DNAH11: variants seen among roughly 807,000 people sequenced by gnomAD.
DNAH11 encodes the protein dynein axonemal heavy chain 11, also known as axonemal beta dynein heavy chain 11.
In DNAH11, 442 loss-of-function variants were observed where a neutral mutation model predicts 526.0. The observed-to-expected ratio is 0.84, with a 90% CI of 0.78 to 0.91. The LOEUF is 0.91. Among genes scored for constraint, DNAH11 ranks in the 40% least tolerant of loss-of-function variants. The pLI is 0.00. For missense variants in DNAH11, 6,989 were observed against 5,448.7 expected (o/e 1.28, Z -8.90); for synonymous variants, 2,461 against 1,935.9 (o/e 1.27, Z -7.12).
intron 45 of DNAH11, among the ~76,000 whole-genome samples, chr7:21,734,321 AGT>A (rs1397072141): frequency 1.3e-5 from 2 of 152,242 alleles, no homozygotes; most frequent in African/African-American, 4.8e-5. Flanking sequence ...TTTCCAAGTA[AGT>A]GTGAATTATT....
rs764940440 is a variant in DNAH11 at position 21,717,895 on chromosome 7, C to T, written c.7104C>T (p.Ile2368=). The part of the protein sequence containing the change: ...LDKLRTSFKT[I]TSIPESSLVQ... The stretch of plus-strand genomic sequence containing the variant: ...AACTGAGAACAAGCTTTAAAACCAT[C>T]ACTTCAATTCCTGAGAGTAGCCTGG... Residue 2368 remains isoleucine (I), a synonymous_variant, in exon 43 of 82, where the codon ATC becomes ATT. Coordinates refer to ENST00000409508, the MANE Select transcript of DNAH11 (RefSeq NM_001277115.2). The T allele has an allele frequency of 1.9e-6, 3 of 1,613,638 alleles. No homozygotes were observed. The highest frequency in any genetic ancestry group is 2.5e-6 in the Non-Finnish European group (3 of 1,179,670).
At chr7:21,777,302 G>C (rs1161300609) in intron 56 of DNAH11, among the ~76,000 whole-genome samples, 2 of 152,098 alleles carry the variant, frequency 1.3e-5, no homozygotes, top group Non-Finnish European at 2.9e-5. Context: ...CAGAATGAAG[G>C]TAGCACAATT....
chr7:21,896,775 T>A lies in DNAH11; in HGVS notation c.13049+1776T>A, dbSNP rs1376928091. The stretch of plus-strand genomic sequence containing the variant: ...AATCTGTTTCTTAATTATTTAGATG[T>A]CATTGTCCAGGTTGGGCGCAGTGGC... On this transcript the variant is annotated intron_variant, in intron 79 of 81. Transcript: ENST00000409508. Among the ~76,000 whole-genome samples, 6 of 152,292 alleles carry A rather than the reference T, an allele frequency of 3.9e-5. No homozygotes were observed. In the East Asian group the frequency reaches 1.2e-3, roughly 29 times the overall value.
chr7:21,706,002 C>A (rs946492135), intron 39 of DNAH11, among the ~76,000 whole-genome samples: 2 of 152,124 alleles, frequency 1.3e-5, no homozygotes, highest in African/African-American at 4.8e-5. Context: ...ATCCTTGATT[C>A]TCCTCCCCAT....
intron 2 of DNAH11, among the ~76,000 whole-genome samples, chr7:21,548,890 T>C (rs933446147): frequency 1.3e-5 from 2 of 152,082 alleles, no homozygotes; most frequent in African/African-American, 4.8e-5. Context: ...CAGACTTTTT[T>C]TTTTTTTTGA....
chr7:21,618,930 T>C (rs1484852890), intron 23 of DNAH11, among the ~76,000 whole-genome samples, 170 bp from the exon 24 acceptor site: 1 of 152,108 alleles, frequency 6.6e-6, no homozygotes, highest in Non-Finnish European at 1.5e-5. Flanking sequence ...GCCTCAGGAA[T>C]TGTGAGTTAA....
At chr7:21,816,403 TTTC>T in intron 63 of DNAH11, 61 bp from the exon 64 acceptor site, 1 of 1,329,998 alleles carries the variant, frequency 7.5e-7, no homozygotes, top group Non-Finnish European at 1.1e-6. Flanking sequence ...GTTCTCTTCT[TTTC>T]TTGTCTGTCT....
At chr7:21,804,275 AT>A (rs1312927059) in intron 62 of DNAH11, among the ~76,000 whole-genome samples, 1 of 151,762 alleles carries the variant, frequency 6.6e-6, no homozygotes, top group Non-Finnish European at 1.5e-5. Context: ...CATCCGGCTA[AT>A]TTTTTTGTAT....
intron 18 of DNAH11, among the ~76,000 whole-genome samples, chr7:21,602,992 C>T (rs1275096283): frequency 1.3e-5 from 2 of 152,096 alleles, no homozygotes; most frequent in Non-Finnish European, 2.9e-5. Flanking sequence ...ATTTTCATCA[C>T]TCCCAGAAAT....
At chr7:21,761,482 A>G (rs1786907599) in intron 54 of DNAH11, among the ~76,000 whole-genome samples, 1 of 152,220 alleles carries the variant, frequency 6.6e-6, no homozygotes, top group Non-Finnish European at 1.5e-5. Context: ...AAAACATTAG[A>G]AAAGTCTATG....
At chr7:21,873,682 G>C (rs1033435263) in intron 74 of DNAH11, among the ~76,000 whole-genome samples, 181 bp downstream of exon 74, 1 of 150,314 alleles carries the variant, frequency 6.7e-6, no homozygotes, top group Non-Finnish European at 1.5e-5. Context: ...TGTCATTTCC[G>C]ATTCTAATGA....
chr7:21,667,782 A>AT lies in DNAH11; in HGVS notation c.5328+8759dup, dbSNP rs200175476. On this transcript the variant is annotated intron_variant, in intron 30 of 81. Coordinates refer to ENST00000409508, the MANE Select transcript of DNAH11 (RefSeq NM_001277115.2). ...TTTAAAATGACTGTGTACGTATGTG[A>AT]TTTTTTTTGCTAATAATTAAGTCAA... 5.6e-3 allele frequency among the ~76,000 whole-genome samples: 847 copies of AT among 152,094 alleles called. 15 individuals carry two copies. Among genetic ancestry groups the AT allele is most frequent in the Admixed American group, 0.034 (519 of 15,258 alleles).
chr7:21,741,968 T>A lies in DNAH11; in HGVS notation c.7956T>A (p.Asp2652Glu). 2 of 1,613,954 alleles carry A rather than the reference T, an allele frequency of 1.2e-6. No homozygotes were observed. The highest frequency in any genetic ancestry group is 2.2e-5 in the East Asian group (1 of 44,884). ...TVFAFNFPSL[D>E]ALNTIYGQIF... ...TTGCATTCAATTTTCCATCTTTGGATGCACTAAACACCATCTATGGCCAAA... is the reference window on the plus strand; with the variant it reads ...TTGCATTCAATTTTCCATCTTTGGAAGCACTAAACACCATCTATGGCCAAA... Residue 2652 changes from aspartate (D) to glutamate (E), a missense_variant, in exon 49 of 82, where the codon GAT becomes GAA. Coordinates refer to ENST00000409508, the MANE Select transcript of DNAH11 (RefSeq NM_001277115.2).
Position 21,763,350 on chromosome 7 carries a change from A to AG in DNAH11, c.8941-2078_8941-2077insG, listed in dbSNP as rs1562531773. Among the ~76,000 whole-genome samples the AG allele has an allele frequency of 1.6e-4, 11 of 69,104 alleles. 1 individual carries two copies. Among genetic ancestry groups the AG allele is most frequent in the East Asian group, 4.2e-4 (1 of 2,382 alleles). The allele number at this position is 69,104 out of a possible 152,430, so 45.3% of individuals were successfully genotyped here. A position where few individuals can be genotyped will look rare whatever the true frequency, so the allele number is the denominator to read the frequency against. The stretch of plus-strand genomic sequence containing the variant: ...GAGCAAGACTGTCTCAAAAAAAAAA[A>AG]AAAAAAGAAAAAAAAAAAGACTTAC... On this transcript the variant is annotated intron_variant, in intron 54 of 81. Coordinates refer to ENST00000409508, the MANE Select transcript of DNAH11 (RefSeq NM_001277115.2).
intron 65 of DNAH11, among the ~76,000 whole-genome samples, chr7:21,841,271 A>G (rs968065767): frequency 1.3e-5 from 2 of 152,232 alleles, no homozygotes. Context: ...ATACATAAGT[A>G]TATTAAATAC....
chr7:21,603,947 C>A (rs1233055038), intron 18 of DNAH11, among the ~76,000 whole-genome samples: 2 of 152,076 alleles, frequency 1.3e-5, no homozygotes, highest in Non-Finnish European at 2.9e-5. Context: ...ATTTCAAAAG[C>A]AGAATACAAT....
chr7:21,759,450 G>T (rs908917121), intron 54 of DNAH11, among the ~76,000 whole-genome samples: 2 of 152,124 alleles, frequency 1.3e-5, no homozygotes. Context: ...TAGATGGGGT[G>T]GTAATACAGG....
At chr7:21,594,490 C>G (rs898215758) in intron 14 of DNAH11, among the ~76,000 whole-genome samples, 8 of 152,070 alleles carry the variant, frequency 5.3e-5, no homozygotes, top group Non-Finnish European at 1.0e-4. Flanking sequence ...TGTGTTAGAA[C>G]TGGTACGCGC....
chr7:21,735,743 G>A lies in DNAH11; in HGVS notation c.7544G>A (p.Gly2515Glu), dbSNP rs1785579822. The A allele has an allele frequency of 1.2e-6, 2 of 1,613,936 alleles. No homozygotes were observed. Among genetic ancestry groups the A allele is most frequent in the Non-Finnish European group, 1.7e-6 (2 of 1,179,880 alleles). The change falls in exon 46 of 82, where the codon GGA becomes GAA. Residue 2515 changes from glycine (G) to glutamate (E), a missense_variant. By Grantham distance (98) the Gly-to-Glu change is moderately conservative. Transcript: ENST00000409508. ...ATGCTAGTAGGAAATGCAGGAGTGG[G>A]AAAAACAGTCTTTGTAGGTGACACA... The part of the protein sequence containing the change: ...PLMLVGNAGV[G>E]KTVFVGDTLA...
Sources: gnomAD v4.1 joint callset for allele counts (sites outside exome capture counted in the v4.1 genomes callset) on GRCh38, gnomAD v4.1.1 for gene constraint, MANE v1.5 for transcripts, NCBI Gene and HGNC (gene_info 2026-07-23, HGNC 2026-07-21) for gene names.